ALG5: variants seen among roughly 807,000 people sequenced by gnomAD.
The protein encoded by ALG5 is dolichyl-phosphate beta-glucosyltransferase.
A neutral mutation model predicts 51.8 loss-of-function variants in ALG5; 26 were observed. The ratio of observed to expected loss-of-function variants is 0.50; its 90% CI spans 0.37 to 0.70. The LOEUF (loss-of-function observed/expected upper bound fraction) is 0.70, where lower values mean the gene tolerates loss of function less well. Ranked by LOEUF, ALG5 falls within the 30% of genes least tolerant of loss-of-function variation. ALG5 has a pLI of 0.00. For synonymous variants in ALG5, 141 were observed against 136.1 expected, an observed-to-expected ratio of 1.04 and a Z score of -0.25; for missense variants, 311 against 399.3, an observed-to-expected ratio of 0.78 and a Z score of 1.88.
At chr13:36,994,199 C>T (rs2059038616) in intron 3 of ALG5, among the ~76,000 whole-genome samples, 7 of 152,166 alleles carry the variant, frequency 4.6e-5, no homozygotes, top group Admixed American at 3.9e-4. Context: ...AGGCTCAATT[C>T]CTTTCTTCTT....
Position 36,999,274 on chromosome 13 carries a change from C to T in ALG5, c.27G>A (p.Ala9=). Residue 9 remains alanine, a synonymous_variant, in exon 1 of 10, where the codon GCG becomes GCA. Transcript: ENST00000239891. MAPLLLQL[A]VLGAALAAAA... is the part of the protein sequence containing the mutation. ...CGGCCGCCAGCGCCGCGCCGAGCAC[C>T]GCCAGCTGCAACAGAAGCGGAGCCA... The T allele has an allele frequency of 6.3e-7, 1 of 1,580,138 alleles. No individual in the cohort carries two copies. Among genetic ancestry groups the T allele is most frequent in the East Asian group, 2.5e-5 (1 of 40,086 alleles).
chr13:36,953,488 C>G (rs955235430), intron 8 of ALG5, among the ~76,000 whole-genome samples: 27 of 152,186 alleles, frequency 1.8e-4, no homozygotes, highest in African/African-American at 6.5e-4. Flanking sequence ...GCACTACTAC[C>G]TGTTAAATCT....
At chr13:36,973,358 T>G (rs908371050) in intron 6 of ALG5, among the ~76,000 whole-genome samples, 4 of 152,124 alleles carry the variant, frequency 2.6e-5, no homozygotes, top group African/African-American at 9.7e-5. Context: ...ACTTAGAATA[T>G]GATAAAGATG....
intron 8 of ALG5, among the ~76,000 whole-genome samples, chr13:36,958,754 A>C (rs192822363): frequency 1.3e-5 from 2 of 152,302 alleles, no homozygotes; most frequent in Non-Finnish European, 2.9e-5. Context: ...CTTGTAACTC[A>C]GCTCACACCC....
chr13:36,964,809 C>T (rs2058884675), intron 8 of ALG5, among the ~76,000 whole-genome samples: 1 of 151,884 alleles, frequency 6.6e-6, no homozygotes, highest in Non-Finnish European at 1.5e-5. Flanking sequence ...CCTGTAATCC[C>T]AGCTACTTGG....
At chr13:36,960,687 CTTT>C (rs35334943) in intron 8 of ALG5, among the ~76,000 whole-genome samples, 12 of 142,580 alleles carry the variant, frequency 8.4e-5, no homozygotes, top group Admixed American at 1.4e-4. Context: ...TAATAATTTG[CTTT>C]TTTTTTTTTT....
chr13:36,956,828 C>A (rs559380051), intron 8 of ALG5, among the ~76,000 whole-genome samples: 1 of 151,874 alleles, frequency 6.6e-6, no homozygotes, highest in African/African-American at 2.4e-5. Context: ...AGAAGGGAAC[C>A]GCCCAGCAGA....
chr13:36,965,429 T>C lies in ALG5; in HGVS notation c.773+146A>G, dbSNP rs2058888574. ...AAAATAAGATCCAACTCAGGAAAAG[T>C]ATAAAGGCAAGATCAAGTTTACATA... On this transcript the variant is annotated intron_variant, in intron 8 of 9. Coordinates refer to ENST00000239891, the MANE Select transcript of ALG5 (RefSeq NM_013338.5). 1.2e-5 allele frequency: 10 copies of C among 842,912 alleles called. No homozygotes were observed. In the South Asian group the frequency reaches 1.3e-4, roughly 11 times the overall value. 52.2% of individuals were successfully genotyped at this position (842,912 alleles called of 1,614,324 possible). A position where few individuals can be genotyped will look rare whatever the true frequency, so the allele number is the denominator to read the frequency against.
At chr13:36,993,717 A>G in intron 3 of ALG5, 45 bp from the exon 4 acceptor site, 1 of 1,496,064 alleles carries the variant, frequency 6.7e-7, no homozygotes, top group East Asian at 2.3e-5. Flanking sequence ...CATAACTGCC[A>G]TAAAGTATTC....
chr13:36,986,115 G>C (rs144962574), intron 5 of ALG5, among the ~76,000 whole-genome samples: 19 of 152,210 alleles, frequency 1.2e-4, no homozygotes, highest in African/African-American at 4.6e-4. Context: ...GGGCTACTTA[G>C]AACCACATAT....
chr13:36,982,850 T>G (rs753540977), intron 6 of ALG5, among the ~76,000 whole-genome samples: 4 of 152,206 alleles, frequency 2.6e-5, no homozygotes, highest in Non-Finnish European at 5.9e-5. Flanking sequence ...TAAATTTAAT[T>G]CAAATTAATT....
At chr13:36,953,247 G>C (rs2058825925) in intron 8 of ALG5, among the ~76,000 whole-genome samples, 1 of 152,096 alleles carries the variant, frequency 6.6e-6, no homozygotes. Context: ...TGTCTTACTT[G>C]TCCTAATATA....
chr13:36,968,240 T>C (rs2058904381), intron 7 of ALG5, among the ~76,000 whole-genome samples: 1 of 152,170 alleles, frequency 6.6e-6, no homozygotes, highest in Admixed American at 6.5e-5. Flanking sequence ...GAAATGGCCA[T>C]TTAAAACATT....
chr13:36,995,336 GT>G, intron 2 of ALG5, 88 bp downstream of exon 2: 1 of 1,363,614 alleles, frequency 7.3e-7, no homozygotes, highest in African/African-American at 1.5e-5. Context: ...ATCTATTAAT[GT>G]TTTGGCAAAG....
At chr13:36,972,886 G>A (rs549011100) in intron 6 of ALG5, among the ~76,000 whole-genome samples, 1 of 151,406 alleles carries the variant, frequency 6.6e-6, no homozygotes, top group Non-Finnish European at 1.5e-5. Context: ...CAGCTACTCG[G>A]GAGGCTGAGG....
rs767528777 is a variant in ALG5 at position 36,999,263 on chromosome 13, G to A, written c.38C>T (p.Ala13Val). ...PLLLQLAVLG[A>V]ALAAAALVLI... is the part of the protein sequence containing the mutation. ...TACGAGGGCTGCGGCCGCCAGCGCC[G>A]CGCCGAGCACCGCCAGCTGCAACAG... is the stretch of plus-strand genomic sequence containing the variant. Residue 13 changes from alanine (A) to valine (V), a missense_variant, in exon 1 of 10, where the codon GCG becomes GTG. Physicochemically the swap from Ala to Val is moderately conservative, Grantham distance 64. Transcript: ENST00000239891. 8.9e-6 allele frequency: 14 copies of A among 1,580,852 alleles called. No individual in the cohort carries two copies. Among genetic ancestry groups the A allele is most frequent in the Non-Finnish European group, 1.2e-5 (14 of 1,166,410 alleles).
chr13:36,996,849 C>T (rs567883789), intron 1 of ALG5, among the ~76,000 whole-genome samples: 1 of 152,224 alleles, frequency 6.6e-6, no homozygotes, highest in East Asian at 1.9e-4. Flanking sequence ...AGGTAATGAT[C>T]CTCAATGACT....
chr13:36,970,593 C>T lies in ALG5; in HGVS notation c.621+1384G>A, dbSNP rs117757397. 1.3e-4 allele frequency among the ~76,000 whole-genome samples: 19 copies of T among 149,414 alleles called. No homozygotes were observed. In the East Asian group the frequency reaches 3.6e-3, roughly 28 times the overall value. On this transcript the variant is annotated intron_variant, in intron 7 of 9. Coordinates refer to ENST00000239891, the MANE Select transcript of ALG5 (RefSeq NM_013338.5). ...CCAACTTGGGTGACAGAGTTAGACT[C>T]TGTCTCATAAAAACAAAAAAAACAA...
chr13:36,994,115 C>T (rs1338659846), intron 3 of ALG5, among the ~76,000 whole-genome samples: 1 of 152,158 alleles, frequency 6.6e-6, no homozygotes, highest in Non-Finnish European at 1.5e-5. Context: ...AAAAAGAGAA[C>T]AGAAAAACCT....
Sources: gnomAD v4.1 joint callset for allele counts (sites outside exome capture counted in the v4.1 genomes callset) on GRCh38, gnomAD v4.1.1 for gene constraint, MANE v1.5 for transcripts, NCBI Gene and HGNC (gene_info 2026-07-23, HGNC 2026-07-21) for gene names.